Variants in ZFHX3 observed in about 807,000 individuals in gnomAD.
ZFHX3 encodes zinc finger homeobox protein 3.
In ZFHX3, 42 loss-of-function variants were observed where a neutral mutation model predicts 279.1. The ratio of observed to expected loss-of-function variants is 0.15; its 90% confidence interval spans 0.12 to 0.19. The LOEUF is 0.19. ZFHX3 is among the 10% of genes least tolerant of loss of function. ZFHX3 has a pLI of 1.00. For missense variants in ZFHX3, 4,981 were observed against 4,754.0 expected (o/e 1.05, Z -1.40); for synonymous variants, 2,293 against 1,957.8 (o/e 1.17, Z -4.52).
chr16:73,330,488 C>T (rs2015780537), intron 3 of ZFHX3, among the ~76,000 whole-genome samples: 1 of 152,168 alleles, frequency 6.6e-6, no homozygotes, highest in Admixed American at 6.5e-5. Context: ...CTGAGTGCCA[C>T]ATGGGGAATG....
chr16:73,327,267 C>G (rs1423728), intron 3 of ZFHX3, among the ~76,000 whole-genome samples: 110,077 of 152,110 alleles, frequency 0.72, 41,032 homozygotes, highest in African/African-American at 0.88. Context: ...CTGATTTTAA[C>G]TATGCTGGCT....
At chr16:73,723,375 G>C (rs2053492592) in intron 1 of ZFHX3, among the ~76,000 whole-genome samples, 1 of 152,178 alleles carries the variant, frequency 6.6e-6, no homozygotes, top group Non-Finnish European at 1.5e-5. Context: ...TTCAAAGTGA[G>C]AAATAATATG....
chr16:73,372,038 A>G (rs1023365697), intron 3 of ZFHX3, among the ~76,000 whole-genome samples: 1 of 152,218 alleles, frequency 6.6e-6, no homozygotes, highest in African/African-American at 2.4e-5. Context: ...TATTTCCAAG[A>G]AGTCAAAGGG....
intron 3 of ZFHX3, among the ~76,000 whole-genome samples, chr16:73,344,160 G>A (rs1567456063): frequency 6.6e-6 from 1 of 152,138 alleles, no homozygotes; most frequent in Non-Finnish European, 1.5e-5. Context: ...CCTCAGCCAA[G>A]TCATTAAAGA....
chr16:73,791,623 C>T (rs961093602), intron 1 of ZFHX3, among the ~76,000 whole-genome samples: 1 of 151,684 alleles, frequency 6.6e-6, no homozygotes, highest in African/African-American at 2.4e-5. Flanking sequence ...TGGGGTTTCA[C>T]CATGTTGGCC....
At chr16:73,397,134 G>A (rs568480890) in intron 3 of ZFHX3, among the ~76,000 whole-genome samples, 20 of 152,330 alleles carry the variant, frequency 1.3e-4, no homozygotes, top group Admixed American at 2.6e-4. Context: ...ATGTCTAATA[G>A]CAGTCTATGC....
chr16:73,613,626 T>C (rs965114463), intron 2 of ZFHX3, among the ~76,000 whole-genome samples: 5 of 152,162 alleles, frequency 3.3e-5, no homozygotes, highest in African/African-American at 9.6e-5. Context: ...ACAGGCCTGA[T>C]GAGACTTTGG....
chr16:73,313,486 C>T (rs1036659869), intron 4 of ZFHX3, among the ~76,000 whole-genome samples: 4 of 152,150 alleles, frequency 2.6e-5, no homozygotes, highest in South Asian at 2.1e-4. Context: ...TACCATAACA[C>T]CCTAAGGGAT....
intron 1 of ZFHX3, among the ~76,000 whole-genome samples, chr16:73,684,535 A>G (rs976947858): frequency 1.3e-5 from 2 of 152,170 alleles, no homozygotes; most frequent in African/African-American, 2.4e-5. Flanking sequence ...TGGCTTCCCA[A>G]ACATACCCAT....
At chr16:73,679,540 C>CA in intron 2 of ZFHX3, 1 of 151,946 alleles carries the variant, frequency 6.6e-6, no homozygotes, top group Non-Finnish European at 1.5e-5. Flanking sequence ...TTATGTAAAA[C>CA]AAAAACAAAA....
intron 7 of ZFHX3, among the ~76,000 whole-genome samples, chr16:72,805,523 G>A (rs1391109453): frequency 1.3e-5 from 2 of 152,028 alleles, no homozygotes; most frequent in African/African-American, 4.8e-5. Context: ...AGACCTCCTT[G>A]GCACAGACCA....
At chr16:73,815,655 G>A (rs919170376) in intron 1 of ZFHX3, 2 of 151,988 alleles carry the variant, frequency 1.3e-5, no homozygotes, top group Non-Finnish European at 2.9e-5. Context: ...TCCATCTCCA[G>A]GGTTCAAGCA....
chr16:73,878,141 C>A (rs1281510142), intron 1 of ZFHX3, among the ~76,000 whole-genome samples: 1 of 151,802 alleles, frequency 6.6e-6, no homozygotes, highest in African/African-American at 2.4e-5. Context: ...ATATTGGCAC[C>A]TTTTTCTAAC....
chr16:73,121,444 C>T (rs1265478549), intron 7 of ZFHX3, among the ~76,000 whole-genome samples: 1 of 152,152 alleles, frequency 6.6e-6, no homozygotes, highest in Non-Finnish European at 1.5e-5. Flanking sequence ...AAATTACACA[C>T]ATGGCTTGTA....
chr16:73,318,023 A>G (rs1205751520), intron 4 of ZFHX3, among the ~76,000 whole-genome samples: 1 of 152,246 alleles, frequency 6.6e-6, no homozygotes, highest in African/African-American at 2.4e-5. Context: ...GAATCCTCCC[A>G]GCTACAGAGG....
At chr16:72,919,244 G>A (rs540308944) in intron 3 of ZFHX3, among the ~76,000 whole-genome samples, 1 of 151,484 alleles carries the variant, frequency 6.6e-6, no homozygotes, top group African/African-American at 2.4e-5. Flanking sequence ...CTGCAGCCTG[G>A]AACTCCCAGG....
At chr16:73,656,901 A>G (rs1452097371) in intron 2 of ZFHX3, among the ~76,000 whole-genome samples, 1 of 152,242 alleles carries the variant, frequency 6.6e-6, no homozygotes, top group African/African-American at 2.4e-5. Flanking sequence ...AGCTTCAGTC[A>G]CATAATAAAC....
At chr16:73,872,665 C>G (rs1458886291) in intron 1 of ZFHX3, among the ~76,000 whole-genome samples, 1 of 146,818 alleles carries the variant, frequency 6.8e-6, no homozygotes, top group Non-Finnish European at 1.5e-5. Flanking sequence ...ATGAAACTCT[C>G]TCTCCATGTG....
chr16:72,974,218 T>A (rs1380701876), intron 1 of ZFHX3, among the ~76,000 whole-genome samples: 1 of 152,192 alleles, frequency 6.6e-6, no homozygotes. Flanking sequence ...ATGAAGAACA[T>A]GGTACAGCTG....
Sources: allele counts gnomAD v4.1 joint callset (sites outside exome capture counted in the v4.1 genomes callset), GRCh38; gene constraint gnomAD v4.1.1; transcripts MANE v1.5; gene names NCBI Gene and HGNC (gene_info 2026-07-23, HGNC 2026-07-21).